Variants in GDA observed in about 807,000 individuals in gnomAD.
The protein encoded by GDA is cytoplasmic PSD-95 interactor.
In GDA, 18 loss-of-function variants were observed where a neutral mutation model predicts 59.6. The observed-to-expected ratio is 0.30, with a 90% CI of 0.21 to 0.45. GDA has a LOEUF of 0.45. Ranked by LOEUF, GDA falls within the 20% of genes least tolerant of loss-of-function variation. GDA has a pLI of 1.00. For synonymous variants in GDA, 201 were observed against 201.1 expected (o/e 1.00, Z 0.00); for missense variants, 427 against 552.3 (o/e 0.77, Z 2.27).
chr9:72,239,929 A>G (rs553196137), intron 10 of GDA, among the ~76,000 whole-genome samples: 1 of 152,260 alleles, frequency 6.6e-6, no homozygotes, highest in South Asian at 2.1e-4. Context: ...TTGTTTTGGC[A>G]ACATATATAG....
At chr9:72,133,296 A>T (rs1027099069) in intron 1 of GDA, among the ~76,000 whole-genome samples, 1 of 95,502 alleles carries the variant, frequency 1.0e-5, no homozygotes, top group Non-Finnish European at 2.2e-5. Flanking sequence ...CTAAAAAAAA[A>T]AAAAAAAAAA....
chr9:72,258,956 T>C (rs1332445193), downstream of GDA, among the ~76,000 whole-genome samples: 1 of 152,022 alleles, frequency 6.6e-6, no homozygotes, highest in Non-Finnish European at 1.5e-5. Context: ...TGGTCAGAGC[T>C]CATGAATGAT....
intron 2 of GDA, among the ~76,000 whole-genome samples, chr9:72,198,918 C>G (rs576678460): frequency 1.3e-5 from 2 of 148,760 alleles, no homozygotes; most frequent in Non-Finnish European, 3.0e-5. Context: ...ATTTGGAATA[C>G]CTGGGGGAAG....
intron 1 of GDA, among the ~76,000 whole-genome samples, chr9:72,190,363 G>A (rs1832382826): frequency 6.6e-6 from 1 of 152,172 alleles, no homozygotes; most frequent in Admixed American, 6.5e-5. Context: ...CTGACCTCAA[G>A]CAATCTGCTC....
At chr9:72,259,819 C>G (rs1014670098), downstream of GDA, among the ~76,000 whole-genome samples, 4 of 152,184 alleles carry the variant, frequency 2.6e-5, no homozygotes, top group Non-Finnish European at 4.4e-5. Flanking sequence ...GCAGCCACTC[C>G]TCTGAAGTTA....
intron 8 of GDA, 87 bp from the exon 9 acceptor site, chr9:72,227,856 C>T (rs984488278): frequency 1.1e-5 from 8 of 710,940 alleles, no homozygotes; most frequent in African/African-American, 8.7e-5. Context: ...GCTACAGCTT[C>T]GGTCTCTCTC....
At chr9:72,126,033 C>T (rs1825834932) in intron 1 of GDA, among the ~76,000 whole-genome samples, 1 of 152,088 alleles carries the variant, frequency 6.6e-6, no homozygotes, top group Non-Finnish European at 1.5e-5. Flanking sequence ...TCTCCTGCCT[C>T]GGCCTCCTGA....
At chr9:72,165,124 CCTGTATTTGTATGATTTT>C (rs1829136539) in intron 1 of GDA, among the ~76,000 whole-genome samples, 1 of 152,128 alleles carries the variant, frequency 6.6e-6, no homozygotes, top group Non-Finnish European at 1.5e-5. Context: ...TGCTCATATT[CCTGTATTTGTATGATTTT>C]TCCCAGCCTT....
chr9:72,250,952 G>C lies in GDA; in HGVS notation c.*2610G>C. On this transcript the variant is annotated 3_prime_UTR_variant, in exon 14 of 14. Coordinates refer to ENST00000358399, the MANE Select transcript of GDA (RefSeq NM_004293.5). ...GTAAATTTCATTTTCAAACGAGAGG[G>C]AAACATGGGAAGTAAAAGATTAGGA... is the stretch of plus-strand genomic sequence containing the variant. 1.2e-6 allele frequency: 1 copy of C among 800,620 alleles called. No individual in the cohort carries two copies. The highest frequency in any genetic ancestry group is 2.4e-5 in the Admixed American group (1 of 42,480). 49.6% of individuals were successfully genotyped at this position (800,620 alleles called of 1,614,324 possible). A position where few individuals can be genotyped will look rare whatever the true frequency, so the allele number is the denominator to read the frequency against.
At chr9:72,201,424 C>A (rs1367973976) in intron 2 of GDA, among the ~76,000 whole-genome samples, 1 of 152,154 alleles carries the variant, frequency 6.6e-6, no homozygotes, top group African/African-American at 2.4e-5. Flanking sequence ...AAAAGCTAGT[C>A]TTTTCCATGC....
At chr9:72,166,925 T>A (rs976572990) in intron 1 of GDA, among the ~76,000 whole-genome samples, 18 of 152,208 alleles carry the variant, frequency 1.2e-4, no homozygotes, top group Non-Finnish European at 2.2e-4. Context: ...TGCATTGTTC[T>A]CGATTTTTCA....
At chr9:72,186,675 T>C (rs937886552) in intron 1 of GDA, among the ~76,000 whole-genome samples, 1 of 152,200 alleles carries the variant, frequency 6.6e-6, no homozygotes, top group Non-Finnish European at 1.5e-5. Context: ...ATTTGTGAAT[T>C]AAGGTTTTCC....
rs747116803 is a variant in GDA at position 72,181,678 on chromosome 9, C to T, written c.124-13822C>T. The stretch of plus-strand genomic sequence containing the variant: ...TCTTTTAGTCAGAGTCTTGCTCTGT[C>T]ACCTGGGATGGAGCACAGTGGCGTG... On this transcript the variant is annotated intron_variant, in intron 1 of 13. Transcript: ENST00000358399. Among the ~76,000 whole-genome samples, 18 of 152,088 alleles carry T rather than the reference C, an allele frequency of 1.2e-4. 1 individual carries two copies. The highest frequency in any genetic ancestry group is 6.8e-3 in the Middle Eastern group (2 of 294).
In GDA at chr9:72,149,656, C is replaced by T. The variant is rs769381666; in HGVS notation, c.97C>T (p.Leu33Phe). The T allele has an allele frequency of 1.2e-6, 2 of 1,604,034 alleles. No individual in the cohort carries two copies. The highest frequency in any genetic ancestry group is 3.4e-5 in the Admixed American group (2 of 58,878). ...CCCCATGGAGGTGCTGCGGGATCAC[C>T]TCCTCGGCGTGAGCGACAGCGGCAA... ...TCPMEVLRDH[L>F]LGVSDSGKIV... is the part of the protein sequence containing the mutation. Residue 33 changes from leucine (L) to phenylalanine (F), a missense_variant, in exon 1 of 14, where the codon CTC becomes TTC. Transcript: ENST00000358399.
At chr9:72,182,789 T>C (rs1370297801) in intron 1 of GDA, among the ~76,000 whole-genome samples, 1 of 152,240 alleles carries the variant, frequency 6.6e-6, no homozygotes, top group Non-Finnish European at 1.5e-5. Context: ...TATTAGTTGG[T>C]ATTCCACTGG....
intron 10 of GDA, among the ~76,000 whole-genome samples, chr9:72,236,253 C>T (rs139673604): frequency 6.6e-6 from 1 of 152,266 alleles, no homozygotes; most frequent in East Asian, 1.9e-4. Flanking sequence ...CTGGAGGTTG[C>T]TGGAGAAAAT....
At chr9:72,246,490 A>T (rs1840153783) in intron 12 of GDA, among the ~76,000 whole-genome samples, 1 of 152,194 alleles carries the variant, frequency 6.6e-6, no homozygotes, top group South Asian at 2.1e-4. Context: ...CTTCATAAGG[A>T]AGTGAAGAAC....
downstream of GDA, among the ~76,000 whole-genome samples, chr9:72,254,703 G>A (rs1840846783): frequency 6.6e-6 from 1 of 152,202 alleles, no homozygotes; most frequent in Admixed American, 6.5e-5. Context: ...TGTCCTTTTA[G>A]TCTGGGCCAG....
chr9:72,211,992 G>A (rs1001931454), intron 4 of GDA, among the ~76,000 whole-genome samples: 6 of 151,398 alleles, frequency 4.0e-5, no homozygotes, highest in African/African-American at 1.5e-4. Flanking sequence ...AAGGAGAGAG[G>A]CAGAAAGGTT....
Sources: gnomAD v4.1 joint callset for allele counts (sites outside exome capture counted in the v4.1 genomes callset) on GRCh38, gnomAD v4.1.1 for gene constraint, MANE v1.5 for transcripts, NCBI Gene and HGNC (gene_info 2026-07-23, HGNC 2026-07-21) for gene names.